PRMT3: variants seen among roughly 807,000 people sequenced by gnomAD.
PRMT3 encodes protein arginine N-methyltransferase 3.
PRMT3 carries 62 observed loss-of-function variants against 71.9 expected under a neutral mutation model. The ratio of observed to expected loss-of-function variants is 0.86; its 90% CI spans 0.70 to 1.07. The LOEUF (loss-of-function observed/expected upper bound fraction) is 1.07, where lower values mean the gene tolerates loss of function less well. PRMT3 is among the 50% of genes least tolerant of loss of function. The probability of loss-of-function intolerance (pLI) is 0.00; values close to 1 mark genes in which losing one functional copy is unlikely to be tolerated. For synonymous variants in PRMT3, 213 were observed against 220.4 expected (o/e 0.97, Z 0.30); for missense variants, 663 against 643.0 (o/e 1.03, Z -0.34).
At chr11:20,391,341 G>A (rs1247084406) in intron 3 of PRMT3, among the ~76,000 whole-genome samples, 1 of 152,006 alleles carries the variant, frequency 6.6e-6, no homozygotes, top group Non-Finnish European at 1.5e-5. Flanking sequence ...CGCCTCCCGG[G>A]TTCAAGTGAT....
At chr11:20,484,643 C>T (rs535975611) in intron 13 of PRMT3, among the ~76,000 whole-genome samples, 1 of 152,278 alleles carries the variant, frequency 6.6e-6, no homozygotes, top group East Asian at 1.9e-4. Context: ...GATTGTGAGA[C>T]TTCCCCAGCC....
At position 20,389,753 on chromosome 11, in the gene PRMT3, A is replaced by G. The variant is rs1339300396; in HGVS notation, c.174A>G (p.Thr58=). 1.2e-6 allele frequency: 2 copies of G among 1,609,124 alleles called. No homozygotes were observed. The highest frequency in any genetic ancestry group is 1.7e-6 in the Non-Finnish European group (2 of 1,176,058). ...TPCLFCNRLF[T]SAEETFSHCK... ...TTGCTTGATTTTTCAGGTTATTCACATCTGCTGAAGAAACATTTTCACACT... is the reference window on the plus strand; with the variant it reads ...TTGCTTGATTTTTCAGGTTATTCACGTCTGCTGAAGAAACATTTTCACACT... The change falls in exon 3 of 16, where the codon ACA becomes ACG. Residue 58 remains threonine (T), a synonymous_variant. Transcript: ENST00000331079.
intron 9 of PRMT3, among the ~76,000 whole-genome samples, chr11:20,421,262 T>A (rs1849419219): frequency 6.6e-6 from 1 of 152,168 alleles, no homozygotes; most frequent in African/African-American, 2.4e-5. Flanking sequence ...GGTCTTGAAC[T>A]CTTGGGCTCA....
At chr11:20,482,641 AGTAATGAC>A (rs1850966546) in intron 13 of PRMT3, among the ~76,000 whole-genome samples, 1 of 152,070 alleles carries the variant, frequency 6.6e-6, no homozygotes, top group Non-Finnish European at 1.5e-5. Context: ...TTACCCATGG[AGTAATGAC>A]GTATAAGGAA....
In PRMT3 at chr11:20,496,623, TG is replaced by T. The variant is rs769500575; in HGVS notation, c.1486+2375del. On this transcript the variant is annotated intron_variant, in intron 15 of 15. Transcript: ENST00000331079. ...GGATTAGGGCAGGCTACAACTGGGG[TG>T]GGGGGTGGGGGTCAATGTCATATAA... 6.5e-4 allele frequency among the ~76,000 whole-genome samples: 62 copies of T among 95,582 alleles called. 1 individual carries two copies. Among genetic ancestry groups the T allele is most frequent in the Non-Finnish European group, 9.4e-4 (48 of 51,132 alleles). 62.7% of individuals were successfully genotyped at this position (95,582 alleles called of 152,430 possible).
chr11:20,391,049 CAA>C (rs57575758), intron 3 of PRMT3, among the ~76,000 whole-genome samples: 86 of 144,410 alleles, frequency 6.0e-4, no homozygotes, highest in South Asian at 6.6e-4. Flanking sequence ...GACGCCGTCT[CAA>C]AAAAAAAAAA....
intron 15 of PRMT3, among the ~76,000 whole-genome samples, chr11:20,496,582 C>G (rs1851338118): frequency 7.3e-6 from 1 of 137,794 alleles, no homozygotes; most frequent in African/African-American, 2.8e-5. Context: ...ATAGTGGTTA[C>G]CTCTGGATAG....
chr11:20,469,334 C>T (rs191555657), intron 13 of PRMT3, among the ~76,000 whole-genome samples: 2 of 152,138 alleles, frequency 1.3e-5, no homozygotes, highest in Non-Finnish European at 2.9e-5. Context: ...GTGTAATATT[C>T]GCTTACTCTG....
Position 20,403,353 on chromosome 11 carries a change from C to A in PRMT3, c.771+369C>A, listed in dbSNP as rs185450195. On this transcript the variant is annotated intron_variant, in intron 8 of 15. Coordinates refer to ENST00000331079, the MANE Select transcript of PRMT3 (RefSeq NM_005788.4). ...TGTCATAGCATACTTTTAATTATTA[C>A]TCTAGTTTGTGTTAAGTAATTGAGA... 1.7e-3 allele frequency among the ~76,000 whole-genome samples: 253 copies of A among 152,158 alleles called. 2 individuals carry two copies. Among genetic ancestry groups the A allele is most frequent in the South Asian group, 8.3e-4 (4 of 4,822 alleles).
Position 20,428,699 on chromosome 11 carries a change from C to A in PRMT3, c.993+1834C>A, listed in dbSNP as rs184594864. Among the ~76,000 whole-genome samples the A allele has an allele frequency of 1.6e-3, 242 of 152,308 alleles. 1 individual carries two copies. The highest frequency in any genetic ancestry group is 2.8e-3 in the Non-Finnish European group (193 of 68,018). On this transcript the variant is annotated intron_variant, in intron 10 of 15. Transcript: ENST00000331079. ...TCTGTACCAAGGAGGGCTAACCCTG[C>A]AGGCTGCCTTTACCAAGCTCCTATG...
At chr11:20,393,531 G>T (rs1201688688) in intron 5 of PRMT3, among the ~76,000 whole-genome samples, 2 of 152,178 alleles carry the variant, frequency 1.3e-5, no homozygotes, top group Admixed American at 6.5e-5. Context: ...AAATTGGTCA[G>T]CCTTTGCAGT....
In PRMT3 at chr11:20,494,201, C is replaced by T; in HGVS notation, c.1433C>T (p.Thr478Ile). ...TCTACGGGCCCTCAGAGCACCAAAA[C>T]ACACTGGAAACAAACAGTATTTCTA... ...VFSTGPQSTKTHWKQTVFLLE... is the reference protein window; with the variant it reads ...VFSTGPQSTKIHWKQTVFLLE... The change falls in exon 15 of 16, where the codon ACA becomes ATA. Residue 478 changes from threonine to isoleucine, a missense_variant. Thr to Ile is a moderately conservative substitution (Grantham distance 89). Transcript: ENST00000331079. The T allele has an allele frequency of 6.2e-7, 1 of 1,611,760 alleles. No homozygotes were observed. The highest frequency in any genetic ancestry group is 8.5e-7 in the Non-Finnish European group (1 of 1,177,908).
intron 8 of PRMT3, chr11:20,406,509 A>T (rs1007468364): frequency 6.6e-6 from 1 of 152,196 alleles, no homozygotes; most frequent in Non-Finnish European, 1.5e-5. Context: ...AATCCATTTT[A>T]CATATGTATG....
intron 13 of PRMT3, among the ~76,000 whole-genome samples, chr11:20,467,322 CATA>C (rs1295922419): frequency 1.3e-5 from 2 of 152,158 alleles, no homozygotes; most frequent in African/African-American, 2.4e-5. Context: ...ATTTAGTTCT[CATA>C]ATAACCATTT....
intron 10 of PRMT3, among the ~76,000 whole-genome samples, chr11:20,437,849 A>C (rs552171011): frequency 6.6e-4 from 101 of 152,130 alleles, no homozygotes; most frequent in African/African-American, 2.2e-3. Context: ...TCGGCCTCCC[A>C]AAGTGCTGGG....
At chr11:20,499,798 G>C (rs1012974312) in intron 15 of PRMT3, among the ~76,000 whole-genome samples, 3 of 152,090 alleles carry the variant, frequency 2.0e-5, no homozygotes, top group Non-Finnish European at 4.4e-5. Flanking sequence ...GAAATAGACT[G>C]AATAAAACTA....
chr11:20,462,341 T>C (rs560459214), intron 12 of PRMT3, among the ~76,000 whole-genome samples, 174 bp downstream of exon 12: 1 of 152,320 alleles, frequency 6.6e-6, no homozygotes, highest in Non-Finnish European at 1.5e-5. Context: ...ATATCATCTC[T>C]TTAGAATCAC....
chr11:20,422,798 A>G (rs1469020785), intron 9 of PRMT3, among the ~76,000 whole-genome samples: 2 of 152,208 alleles, frequency 1.3e-5, no homozygotes, highest in African/African-American at 4.8e-5. Flanking sequence ...TAATTACCCG[A>G]TATTACCAAG....
At chr11:20,487,500 C>CT (rs1286464091) in intron 13 of PRMT3, among the ~76,000 whole-genome samples, 1 of 152,094 alleles carries the variant, frequency 6.6e-6, no homozygotes, top group Admixed American at 6.5e-5. Flanking sequence ...AAAAATGAAT[C>CT]TTTGCTTAAG....
Sources: gnomAD v4.1 joint callset for allele counts (sites outside exome capture counted in the v4.1 genomes callset) on GRCh38, gnomAD v4.1.1 for gene constraint, MANE v1.5 for transcripts, NCBI Gene and HGNC (gene_info 2026-07-23, HGNC 2026-07-21) for gene names.